The following AQR variants were observed in gnomAD, a reference collection of about 807,000 sequenced individuals.
The protein encoded by AQR is aquarius intron-binding spliceosomal factor.
AQR carries 61 observed loss-of-function variants against 180.5 expected under a neutral mutation model. The observed-to-expected ratio is 0.34, with a 90% CI of 0.28 to 0.42. AQR has a LOEUF of 0.42. Among genes scored for constraint, AQR ranks in the 10% least tolerant of loss-of-function variants. The pLI, the probability that AQR is intolerant of heterozygous loss-of-function variation, is 1.00. For synonymous variants in AQR, 551 were observed against 588.8 expected (o/e 0.94, Z 0.93); for missense variants, 1,281 against 1,798.3 (o/e 0.71, Z 5.20).
chr15:34,960,044 A>T (rs1429776671), intron 3 of AQR, among the ~76,000 whole-genome samples: 3 of 152,218 alleles, frequency 2.0e-5, no homozygotes, highest in African/African-American at 7.2e-5. Flanking sequence ...AACTCTTCTT[A>T]CTTCCTACTG....
At chr15:34,942,891 G>C (rs1383897115) in intron 6 of AQR, among the ~76,000 whole-genome samples, 1 of 152,080 alleles carries the variant, frequency 6.6e-6, no homozygotes, top group Non-Finnish European at 1.5e-5. Context: ...TATTTTAAAA[G>C]ATAAAGCATT....
At chr15:34,940,196 TC>T (rs1314954916) in intron 8 of AQR, among the ~76,000 whole-genome samples, 1 of 152,104 alleles carries the variant, frequency 6.6e-6, no homozygotes, top group African/African-American at 2.4e-5. Context: ...TTTGCAAGAG[TC>T]ACAAGAAACA....
At chr15:34,894,881 T>C (rs1893208454) in intron 22 of AQR, among the ~76,000 whole-genome samples, 1 of 151,668 alleles carries the variant, frequency 6.6e-6, no homozygotes, top group Non-Finnish European at 1.5e-5. Flanking sequence ...AAGAATATGA[T>C]AGGCCAGGCA....
Position 34,946,820 on chromosome 15 carries a change from C to T in AQR, c.330+1444G>A, listed in dbSNP as rs1431615730. ...CCGGGAAGTGAGGGGCGTCTCTGCC[C>T]GGCCGCCCCTACTGGGAAGTGAGGA... On this transcript the variant is annotated intron_variant, in intron 5 of 34. Coordinates refer to ENST00000156471, the MANE Select transcript of AQR (RefSeq NM_014691.3). Among the ~76,000 whole-genome samples the T allele has an allele frequency of 4.7e-5, 7 of 150,010 alleles. No homozygotes were observed. The East Asian group carries it at 1.2e-3, about 26-fold the overall frequency.
chr15:34,946,497 C>G (rs1470278229), intron 5 of AQR, among the ~76,000 whole-genome samples: 1 of 142,344 alleles, frequency 7.0e-6, no homozygotes, highest in Non-Finnish European at 1.5e-5. Context: ...GTCAGCCCCC[C>G]GCCCGGCCAG....
intron 13 of AQR, 70 bp downstream of exon 13, chr15:34,926,965 C>G: frequency 1.1e-6 from 1 of 903,508 alleles, no homozygotes; most frequent in Non-Finnish European, 1.6e-6. Flanking sequence ...TGATTAAAAG[C>G]AATAAAGAAA....
At position 34,863,017 on chromosome 15, in the gene AQR, G is replaced by A. The variant is rs151102895; in HGVS notation, c.3879C>T (p.Ala1293=). 26 of 1,613,266 alleles carry A rather than the reference G, an allele frequency of 1.6e-5. No individual in the cohort carries two copies. In the African/African-American group the frequency reaches 2.8e-4, roughly 17 times the overall value. Residue 1293 remains alanine, a synonymous_variant, in exon 33 of 35, where the codon GCC becomes GCT. Transcript: ENST00000156471. ...HLRDVRRLVV[A]MSRARLGLYI... ...AAAGTCCAAGTCTGGCTCTAGACAT[G>A]GCCACTACCAAGCGACGGACATCCC... is the stretch of plus-strand genomic sequence containing the variant.
chr15:34,962,112 T>C (rs1326317589), intron 2 of AQR, among the ~76,000 whole-genome samples: 2 of 151,636 alleles, frequency 1.3e-5, no homozygotes, highest in Non-Finnish European at 2.9e-5. Context: ...AACGTCTGCC[T>C]TCCAGTCTCA....
Position 34,920,321 on chromosome 15 carries a change from T to C in AQR, c.1221+11A>G, listed in dbSNP as rs1893664401. On this transcript the variant is annotated intron_variant, in intron 14 of 34. Transcript: ENST00000156471. ...AACCACATGCAAAATTCAGAGAACA[T>C]TAATATTTACCAGCAATTCTAGAAG... The C allele has an allele frequency of 6.3e-7, 1 of 1,577,260 alleles. No individual in the cohort carries two copies. Among genetic ancestry groups the C allele is most frequent in the East Asian group, 2.2e-5 (1 of 44,584 alleles).
At chr15:34,917,496 C>A (rs921705361) in intron 15 of AQR, among the ~76,000 whole-genome samples, 2 of 152,038 alleles carry the variant, frequency 1.3e-5, no homozygotes, top group Admixed American at 1.3e-4. Flanking sequence ...CTAGGCAATA[C>A]CATTTTGGAT....
At chr15:34,863,262 A>G (rs2140458207) in intron 32 of AQR, 1 of 445,120 alleles carries the variant, frequency 2.2e-6, no homozygotes. Context: ...TTTGAAGGGG[A>G]GGATCACAAA....
At chr15:34,895,558 A>G (rs1003498627) in intron 22 of AQR, among the ~76,000 whole-genome samples, 2 of 152,172 alleles carry the variant, frequency 1.3e-5, no homozygotes, top group African/African-American at 4.8e-5. Flanking sequence ...AACGATATTA[A>G]TATCAGACAA....
At chr15:34,895,801 C>G (rs1227021364) in intron 22 of AQR, among the ~76,000 whole-genome samples, 1 of 152,064 alleles carries the variant, frequency 6.6e-6, no homozygotes, top group African/African-American at 2.4e-5. Flanking sequence ...AAACAACAGA[C>G]AGAAAATCAG....
chr15:34,860,011 G>A, intron 34 of AQR, 31 bp downstream of exon 34: 1 of 1,171,168 alleles, frequency 8.5e-7, no homozygotes, highest in Non-Finnish European at 1.1e-6. Context: ...TCTACAGCAA[G>A]AAAAATAAAA....
At chr15:34,928,575 T>C (rs1385886626) in intron 12 of AQR, among the ~76,000 whole-genome samples, 1 of 152,208 alleles carries the variant, frequency 6.6e-6, no homozygotes, top group Non-Finnish European at 1.5e-5. Context: ...ATGTGCCACA[T>C]TTTCTTTATC....
chr15:34,969,502 A>C, intron 1 of AQR, 37 bp downstream of exon 1: 1 of 1,611,734 alleles, frequency 6.2e-7, no homozygotes. Flanking sequence ...CACGACGTCC[A>C]TACCCACTCA....
intron 30 of AQR, among the ~76,000 whole-genome samples, chr15:34,873,609 G>C (rs1892852841): frequency 6.6e-6 from 1 of 151,948 alleles, no homozygotes; most frequent in Non-Finnish European, 1.5e-5. Context: ...CTCCAACACT[G>C]TATATTCATT....
At chr15:34,890,777 A>G (rs1320483998) in intron 23 of AQR, among the ~76,000 whole-genome samples, 1 of 152,224 alleles carries the variant, frequency 6.6e-6, no homozygotes, top group African/African-American at 2.4e-5. Context: ...TGCATCTTTC[A>G]AATCTTAGTC....
intron 9 of AQR, 63 bp from the exon 10 acceptor site, chr15:34,934,698 G>T: frequency 9.1e-7 from 1 of 1,094,842 alleles, no homozygotes. Context: ...TGCTGTTTCT[G>T]AAAACTGGCA....
Sources: allele counts gnomAD v4.1 joint callset (sites outside exome capture counted in the v4.1 genomes callset), GRCh38; gene constraint gnomAD v4.1.1; transcripts MANE v1.5; gene names NCBI Gene and HGNC (gene_info 2026-07-23, HGNC 2026-07-21).